The following PPFIA4 variants were observed in gnomAD, a reference collection of about 807,000 sequenced individuals.
PPFIA4 encodes liprin-alpha-4.
A neutral mutation model predicts 145.7 loss-of-function variants in PPFIA4; 98 were observed. The ratio of observed to expected loss-of-function variants is 0.67; its 90% CI spans 0.57 to 0.80. PPFIA4 has a LOEUF of 0.80. PPFIA4 is among the 30% of genes least tolerant of loss of function. The pLI is 0.00. For missense variants in PPFIA4, 1,457 were observed against 1,632.7 expected (o/e 0.89, Z 1.85); for synonymous variants, 628 against 649.6 (o/e 0.97, Z 0.51).
chr1:203,030,047 A>ATCAAGTATATATC (rs1658704723), intron 1 of PPFIA4, among the ~76,000 whole-genome samples: 3 of 152,210 alleles, frequency 2.0e-5, no homozygotes, highest in Admixed American at 2.0e-4. Context: ...ATGTGCCTTC[A>ATCAAGTATATATC]TGGCCACTGT....
At position 203,068,345 on chromosome 1, in the gene PPFIA4, G is replaced by T; in HGVS notation, c.3149-108G>T. On this transcript the variant is annotated intron_variant, in intron 26 of 29. Coordinates refer to ENST00000295706, the MANE Select transcript of PPFIA4 (RefSeq NM_001304331.2). This position sits in a 1 kb window ranked among gnomAD's most constrained non-coding sequence, Gnocchi z 4.7. ...TTAGGGATGGAGTGGGGGTCAGAGAGCAGGGTGGACTGCGGCTCTGGGTTT... is the reference window on the plus strand; with the variant it reads ...TTAGGGATGGAGTGGGGGTCAGAGATCAGGGTGGACTGCGGCTCTGGGTTT... 3.2e-6 allele frequency: 3 copies of T among 948,146 alleles called. No individual in the cohort carries two copies. The highest frequency in any genetic ancestry group is 3.5e-5 in the Admixed American group (1 of 28,508). The allele number at this position is 948,146 out of a possible 1,614,324, so 58.7% of individuals were successfully genotyped here. A position where few individuals can be genotyped will look rare whatever the true frequency, so the allele number is the denominator to read the frequency against.
At chr1:203,062,676 CG>C (rs35731587) in intron 24 of PPFIA4, among the ~76,000 whole-genome samples, 1 of 151,482 alleles carries the variant, frequency 6.6e-6, no homozygotes, top group East Asian at 1.9e-4. Flanking sequence ...GGTGATGGGT[CG>C]GGGGGGATCC....
At position 203,051,443 on chromosome 1, in the gene PPFIA4, A is replaced by G. The variant is rs1660498558; in HGVS notation, c.1512-326A>G. Reference sequence around the variant, plus strand: ...ATGGCCGGAGAGCCTCTGCTCGAATACCTCTTTGATGGGGAGCTCAACTTT... The same window carrying G: ...ATGGCCGGAGAGCCTCTGCTCGAATGCCTCTTTGATGGGGAGCTCAACTTT... On this transcript the variant is annotated intron_variant, in intron 13 of 29. Coordinates refer to ENST00000295706, the MANE Select transcript of PPFIA4 (RefSeq NM_001304331.2). 8.7e-6 allele frequency: 6 copies of G among 688,516 alleles called. No individual in the cohort carries two copies. The South Asian group carries it at 2.4e-4, about 28-fold the overall frequency. The allele number at this position is 688,516 out of a possible 1,614,324, so 42.7% of individuals were successfully genotyped here.
At position 203,060,234 on chromosome 1, in the gene PPFIA4, T is replaced by C. The variant is rs764349917; in HGVS notation, c.2601T>C (p.Pro867=). The C allele has an allele frequency of 6.2e-7, 1 of 1,614,038 alleles. No homozygotes were observed. The highest frequency in any genetic ancestry group is 8.5e-7 in the Non-Finnish European group (1 of 1,179,968). The change falls in exon 22 of 30, where the codon CCT becomes CCC. Residue 867 remains proline, a synonymous_variant. Transcript: ENST00000295706. The surrounding 1 kb of genome is among the most constrained non-coding windows in gnomAD (Gnocchi z 4.8). The part of the protein sequence containing the change: ...VSWLELWVGM[P]AWYVAACRAN... The stretch of plus-strand genomic sequence containing the variant: ...GTCTGCAGCTCTGGGTGGGGATGCC[T>C]GCCTGGTATGTGGCAGCCTGCCGGG...
chr1:203,054,409 G>C (rs1195943998), intron 15 of PPFIA4, among the ~76,000 whole-genome samples: 1 of 152,220 alleles, frequency 6.6e-6, no homozygotes, highest in Non-Finnish European at 1.5e-5. Flanking sequence ...AAGCCACACA[G>C]AAGTGACAGA....
intron 2 of PPFIA4, among the ~76,000 whole-genome samples, chr1:203,041,556 C>A (rs1047521130): frequency 5.9e-5 from 9 of 152,204 alleles, no homozygotes; most frequent in African/African-American, 2.2e-4. Flanking sequence ...TGAGTCACTG[C>A]ACTCCAGCCT....
intron 1 of PPFIA4, among the ~76,000 whole-genome samples, chr1:203,038,130 A>G (rs1255064178): frequency 6.6e-6 from 1 of 152,182 alleles, no homozygotes; most frequent in Non-Finnish European, 1.5e-5. Context: ...CCAAGAGTCC[A>G]GCCTTTAGGA....
In PPFIA4 at chr1:203,048,359, G is replaced by T. The variant is rs950373544; in HGVS notation, c.1224+49G>T. 2 of 1,584,272 alleles carry T rather than the reference G, an allele frequency of 1.3e-6. No homozygotes were observed. The highest frequency in any genetic ancestry group is 1.8e-5 in the Admixed American group (1 of 56,804). ...CAGGCCCCCTCCTTCCCGCAGGACA[G>T]GCTCCCAGGGCGGTCTGTGGAAGGG... is the stretch of plus-strand genomic sequence containing the variant. On this transcript the variant is annotated intron_variant, in intron 10 of 29. Transcript: ENST00000295706. This position sits in a 1 kb window ranked among gnomAD's most constrained non-coding sequence, Gnocchi z 5.8.
Position 203,046,320 on chromosome 1 carries a change from A to G in PPFIA4, c.1078A>G (p.Lys360Glu). The G allele has an allele frequency of 6.3e-7, 1 of 1,595,410 alleles. No individual in the cohort carries two copies. The highest frequency in any genetic ancestry group is 2.3e-5 in the East Asian group (1 of 43,900). Residue 360 changes from lysine to glutamate, a missense_variant, in exon 9 of 30, where the codon AAG becomes GAG. Lys to Glu is a moderately conservative substitution (Grantham distance 56, BLOSUM62 1). This residue lies in a region of PPFIA4 where 848 missense variants were observed against 1,046.7 expected (regional missense o/e 0.81). Coordinates refer to ENST00000295706, the MANE Select transcript of PPFIA4 (RefSeq NM_001304331.2). ...AEQKLQQTMR[K>E]AETLPEVEAE... The stretch of plus-strand genomic sequence containing the variant: ...GCAGAAGCTGCAGCAGACGATGCGC[A>G]AGGCAGAGACGCTGCCAGAGGTGGA...
intron 1 of PPFIA4, among the ~76,000 whole-genome samples, chr1:203,031,957 G>A (rs1658862303): frequency 6.6e-6 from 1 of 152,046 alleles, no homozygotes; most frequent in Admixed American, 6.6e-5. Context: ...GTTAGAGTGT[G>A]GAAAATGGTT....
At chr1:203,035,390 C>G (rs1558063447) in intron 1 of PPFIA4, 3 of 444,058 alleles carry the variant, frequency 6.8e-6, no homozygotes, top group Admixed American at 4.8e-5. Flanking sequence ...GCCCATCCCT[C>G]CTGTGTGTTA....
At chr1:203,056,007 T>C in intron 16 of PPFIA4, 113 bp from the exon 17 acceptor site, 3 of 1,035,886 alleles carry the variant, frequency 2.9e-6, no homozygotes, top group Non-Finnish European at 4.3e-6. Flanking sequence ...TCTCCGGGCC[T>C]GTGTGAGGCA....
rs1662478138 is a variant in PPFIA4, at chr1:203,075,664, G to C, written c.3481G>C (p.Ala1161Pro). 1.3e-6 allele frequency: 2 copies of C among 1,506,126 alleles called. No homozygotes were observed. The highest frequency in any genetic ancestry group is 1.4e-5 in the African/African-American group (1 of 69,068). The allele number at this position is 1,506,126 out of a possible 1,614,324, so 93.3% of individuals were successfully genotyped here. A position where few individuals can be genotyped will look rare whatever the true frequency, so the allele number is the denominator to read the frequency against. ...CCACGGTCGCGGCGGCATGCTCAGC[G>C]CTTCCGCGGAGACCCTCCCGGCGGG... ...EHHGRGGMLSASAETLPAGFR... is the reference protein window; with the variant it reads ...EHHGRGGMLSPSAETLPAGFR... Residue 1161 changes from alanine to proline, a missense_variant, in exon 29 of 30, where the codon GCT (alanine) becomes CCT (proline). Physicochemically the swap from Ala to Pro is conservative, Grantham distance 27. Around this residue, in one of 3 missense-constraint regions of PPFIA4, gnomAD observed 146 missense variants for 126.2 expected, o/e 1.16. Coordinates refer to ENST00000295706, the MANE Select transcript of PPFIA4 (RefSeq NM_001304331.2). The surrounding 1 kb of genome is among the most constrained non-coding windows in gnomAD (Gnocchi z 4.1).
rs769121634 is a variant in PPFIA4, at chr1:203,055,515, T to G, written c.1913T>G (p.Leu638Arg). The G allele has an allele frequency of 1.2e-6, 2 of 1,614,020 alleles. No individual in the cohort carries two copies. The highest frequency in any genetic ancestry group is 1.6e-4 in the Middle Eastern group (1 of 6,062). Residue 638 changes from leucine to arginine, a missense_variant, in exon 16 of 30, where the codon CTA becomes CGA. This residue lies in a region of PPFIA4 where 848 missense variants were observed against 1,046.7 expected (regional missense o/e 0.81). Transcript: ENST00000295706. This position sits in a 1 kb window ranked among gnomAD's most constrained non-coding sequence, Gnocchi z 4.8. ...GTAACCAGTGGCAGCATGGAAGCCCTAAACCTGAAGCAGCTGCGCAAGCGT... is the reference window on the plus strand; with the variant it reads ...GTAACCAGTGGCAGCATGGAAGCCCGAAACCTGAAGCAGCTGCGCAAGCGT... ...TRVTSGSMEA[L>R]NLKQLRKRGS... is the part of the protein sequence containing the mutation.
intron 1 of PPFIA4, among the ~76,000 whole-genome samples, chr1:203,036,334 G>A (rs1659248509): frequency 1.3e-5 from 2 of 152,184 alleles, no homozygotes; most frequent in Non-Finnish European, 2.9e-5. Context: ...TCTGTGGCAG[G>A]ACTGTACCCC....
intron 1 of PPFIA4, among the ~76,000 whole-genome samples, chr1:203,026,899 G>A (rs1445079168): frequency 1.3e-5 from 2 of 152,204 alleles, no homozygotes; most frequent in South Asian, 4.1e-4. Context: ...ATCGGCTTCA[G>A]GGGAGGGGGC....
chr1:203,035,001 A>T (rs1659124148), intron 1 of PPFIA4, among the ~76,000 whole-genome samples: 1 of 152,230 alleles, frequency 6.6e-6, no homozygotes, highest in African/African-American at 2.4e-5. Context: ...AATTATGAGG[A>T]TTAAAATAAA....
In PPFIA4 at chr1:203,076,341, C is replaced by G. The variant is rs374614205; in HGVS notation, c.3575C>G (p.Ala1192Gly). Residue 1192 changes from alanine (A) to glycine (G), a missense_variant and splice_region_variant, in exon 30 of 30, where the codon GCT becomes GGT. By Grantham distance (60) the Ala-to-Gly change is moderately conservative. Transcript: ENST00000295706. ...ATGCCTGTCTCTCTCTCTCCCTCAG[C>G]TCACTCCCACTATCTCTACGGACAC... ...PAPPKKIMPE[A>G]HSHYLYGHML... The G allele has an allele frequency of 6.2e-7, 1 of 1,605,324 alleles. No individual in the cohort carries two copies. Among genetic ancestry groups the G allele is most frequent in the African/African-American group, 1.3e-5 (1 of 74,932 alleles).
Position 203,043,425 on chromosome 1 carries a change from G to T in PPFIA4, c.263G>T (p.Ser88Ile). The T allele has an allele frequency of 6.2e-7, 1 of 1,611,560 alleles. No individual in the cohort carries two copies. Among genetic ancestry groups the T allele is most frequent in the Non-Finnish European group, 8.5e-7 (1 of 1,179,306 alleles). Residue 88 changes from serine (S) to isoleucine (I), a missense_variant, in exon 3 of 30, where the codon AGC (serine) becomes ATC (isoleucine). Transcript: ENST00000295706. This position sits in a 1 kb window ranked among gnomAD's most constrained non-coding sequence, Gnocchi z 4.4. ...QEFATLTREL[S>I]MCREQLLERE... ...TTTGCCACCTTAACCCGGGAGCTGA[G>T]CATGTGTCGGGAGCAGCTTCTAGAG...
Sources: allele counts gnomAD v4.1 joint callset (sites outside exome capture counted in the v4.1 genomes callset), GRCh38; gene constraint gnomAD v4.1.1; regional missense constraint gnomAD v4.1.1; non-coding constraint Gnocchi (gnomAD v3.1); transcripts MANE v1.5; gene names NCBI Gene and HGNC (gene_info 2026-07-23, HGNC 2026-07-21).